The following CPPED1 variants were observed in gnomAD, a reference collection of about 807,000 sequenced individuals.
CPPED1 encodes calcineurin like phosphoesterase domain containing 1.
In CPPED1, 28 loss-of-function variants were observed where a neutral mutation model predicts 28.0. The observed-to-expected ratio is 1.00, with a 90% CI of 0.74 to 1.37. CPPED1 has a LOEUF of 1.37. Ranked by LOEUF, CPPED1 falls within the 40% of genes most tolerant of loss-of-function variation. CPPED1 has a pLI of 0.00. For synonymous variants in CPPED1, 198 were observed against 180.2 expected, an observed-to-expected ratio of 1.10 and a Z score of -0.79; for missense variants, 504 against 416.5, an observed-to-expected ratio of 1.21 and a Z score of -1.83.
rs151021093 is a variant in CPPED1, at chr16:12,769,260, C to A, written c.289+11925G>T. Among the ~76,000 whole-genome samples the A allele has an allele frequency of 6.4e-3, 972 of 152,114 alleles. 9 individuals are homozygous for A. The highest frequency in any genetic ancestry group is 0.022 in the African/African-American group (897 of 41,482). ...CCAACACATGAATTATTACTATATC[C>A]AATAATTTAAAAAATATTTTGATAA... On this transcript the variant is annotated intron_variant, in intron 2 of 3. Transcript: ENST00000381774.
intron 3 of CPPED1, among the ~76,000 whole-genome samples, chr16:12,673,942 G>A (rs917257743): frequency 9.9e-5 from 15 of 152,028 alleles, no homozygotes; most frequent in African/African-American, 2.4e-4. Context: ...CCAGCTACTC[G>A]GGAGGCTGAG....
intron 3 of CPPED1, among the ~76,000 whole-genome samples, chr16:12,675,992 T>C (rs1454566991): frequency 2.6e-5 from 4 of 152,122 alleles, no homozygotes. Context: ...GTTTCTTAAG[T>C]GGGTTTGGGA....
rs78116577 is a variant in CPPED1, at chr16:12,709,262, G to C, written c.290-4213C>G. On this transcript the variant is annotated intron_variant, in intron 2 of 3. Coordinates refer to ENST00000381774, the MANE Select transcript of CPPED1 (RefSeq NM_018340.3). This position sits in a 1 kb window ranked among gnomAD's most constrained non-coding sequence, Gnocchi z 4.4. Reference sequence around the variant, plus strand: ...ACAGGAAGAAAGGCAGGGAAACAAGGGGAAAGACTCTGAAAAATGGCAAGA... The same window carrying C: ...ACAGGAAGAAAGGCAGGGAAACAAGCGGAAAGACTCTGAAAAATGGCAAGA... Among the ~76,000 whole-genome samples, 4,203 of 152,192 alleles carry C rather than the reference G, an allele frequency of 0.028. 194 individuals carry two copies. The highest frequency in any genetic ancestry group is 0.097 in the African/African-American group (4,034 of 41,488).
At chr16:12,696,354 C>G (rs1596449622) in intron 3 of CPPED1, among the ~76,000 whole-genome samples, 1 of 152,048 alleles carries the variant, frequency 6.6e-6, no homozygotes, top group South Asian at 2.1e-4. Context: ...TGTGGGGTCC[C>G]CAAACGGTTC....
At position 12,664,875 on chromosome 16, in the gene CPPED1, G is replaced by A. The variant is rs367864945; in HGVS notation, c.*11C>T. 1.6e-5 allele frequency: 26 copies of A among 1,608,530 alleles called. No homozygotes were observed. The highest frequency in any genetic ancestry group is 2.2e-5 in the East Asian group (1 of 44,616). On this transcript the variant is annotated 3_prime_UTR_variant, in exon 4 of 4. Transcript: ENST00000381774. The surrounding 1 kb of genome is among the most constrained non-coding windows in gnomAD (Gnocchi z 4.2). ...GTGCAAGTGAAAAGTGAACGGGAACGGGAAGGAGCGTCATTTTTTCTTGAT... is the reference window on the plus strand; with the variant it reads ...GTGCAAGTGAAAAGTGAACGGGAACAGGAAGGAGCGTCATTTTTTCTTGAT...
intron 1 of CPPED1, among the ~76,000 whole-genome samples, chr16:12,790,379 T>C (rs1052069427): frequency 1.3e-5 from 2 of 152,222 alleles, no homozygotes; most frequent in African/African-American, 2.4e-5. Context: ...GAAATTTTAT[T>C]GATTTTTTCA....
chr16:12,690,934 G>A (rs2079959384), intron 3 of CPPED1, among the ~76,000 whole-genome samples: 1 of 152,234 alleles, frequency 6.6e-6, no homozygotes, highest in African/African-American at 2.4e-5. Flanking sequence ...TAGAGGAGCA[G>A]GTGAAGAATG....
intron 2 of CPPED1, among the ~76,000 whole-genome samples, chr16:12,721,679 G>A (rs927433404): frequency 6.6e-6 from 1 of 151,564 alleles, no homozygotes; most frequent in Non-Finnish European, 1.5e-5. Context: ...ACTTGAACCT[G>A]GGAGACGAAG....
At chr16:12,764,955 C>T (rs1596476817) in intron 2 of CPPED1, among the ~76,000 whole-genome samples, 1 of 152,236 alleles carries the variant, frequency 6.6e-6, no homozygotes, top group Admixed American at 6.5e-5. Flanking sequence ...CTGCCAGCCT[C>T]AAGGTCATGA....
intron 1 of CPPED1, among the ~76,000 whole-genome samples, chr16:12,797,376 C>G (rs376833056): frequency 2.6e-5 from 4 of 152,138 alleles, no homozygotes; most frequent in African/African-American, 7.2e-5. Flanking sequence ...CACAGCGAAA[C>G]TGTCTCTACA....
chr16:12,757,096 TGAGGGTGACCAACTAAGTTACAGCACCTC>T (rs2080374893), intron 2 of CPPED1, among the ~76,000 whole-genome samples: 2 of 151,936 alleles, frequency 1.3e-5, no homozygotes, highest in East Asian at 1.9e-4. Flanking sequence ...TACAGCACCT[TGAGGGTGACCAACTAAGTTACAGCACCTC>T]GAGGGTGACC....
At chr16:12,796,957 A>G (rs1336422151) in intron 1 of CPPED1, among the ~76,000 whole-genome samples, 7 of 152,216 alleles carry the variant, frequency 4.6e-5, no homozygotes, top group Admixed American at 4.6e-4. Context: ...AAGCTACAAA[A>G]TAAGTGAGCC....
chr16:12,762,243 T>C (rs899728725), intron 2 of CPPED1, among the ~76,000 whole-genome samples: 1 of 152,176 alleles, frequency 6.6e-6, no homozygotes, highest in African/African-American at 2.4e-5. Context: ...TTTTTACTTC[T>C]TTGTCGGGGG....
intron 2 of CPPED1, among the ~76,000 whole-genome samples, chr16:12,716,763 T>C: frequency 6.6e-6 from 1 of 152,226 alleles, no homozygotes; most frequent in East Asian, 1.9e-4. Context: ...ATTTATTCAA[T>C]GCACCCCTGC....
intron 2 of CPPED1, among the ~76,000 whole-genome samples, chr16:12,707,080 T>C (rs2080055481): frequency 6.6e-6 from 1 of 152,186 alleles, no homozygotes; most frequent in Admixed American, 6.5e-5. Context: ...CATGATCCTC[T>C]CTAAGACTCC....
chr16:12,772,900 C>T (rs1278141290), intron 2 of CPPED1, among the ~76,000 whole-genome samples: 2 of 152,170 alleles, frequency 1.3e-5, no homozygotes, highest in Admixed American at 6.5e-5. Flanking sequence ...AGCTGGGACT[C>T]GGGCAGTGCC....
intron 2 of CPPED1, among the ~76,000 whole-genome samples, chr16:12,710,157 G>T (rs1399098542): frequency 6.6e-6 from 1 of 152,164 alleles, no homozygotes; most frequent in Non-Finnish European, 1.5e-5. Context: ...ACTAATAAGA[G>T]AAATTAGCTT....
rs938138109 is a variant in CPPED1 at position 12,718,313 on chromosome 16, C to T, written c.290-13264G>A. On this transcript the variant is annotated intron_variant, in intron 2 of 3. Transcript: ENST00000381774. The stretch of plus-strand genomic sequence containing the variant: ...TAGCACTTTGGCAGGCCAAGGCGGG[C>T]GGATCATTTGAGGTCAGGAGTTCGA... 1.1e-4 allele frequency among the ~76,000 whole-genome samples: 17 copies of T among 152,152 alleles called. No individual in the cohort carries two copies. In the East Asian group the frequency reaches 1.5e-3, roughly 14 times the overall value.
chr16:12,734,058 GTTTTTTTTTTTTT>G (rs71142517), intron 2 of CPPED1, among the ~76,000 whole-genome samples: 9 of 64,424 alleles, frequency 1.4e-4, no homozygotes, highest in South Asian at 7.0e-4. Flanking sequence ...CAAATTACAC[GTTTTTTTTTTTTT>G]TTTTTTTTTT....
Sources: allele counts gnomAD v4.1 joint callset (sites outside exome capture counted in the v4.1 genomes callset), GRCh38; gene constraint gnomAD v4.1.1; non-coding constraint Gnocchi (gnomAD v3.1); transcripts MANE v1.5; gene names NCBI Gene and HGNC (gene_info 2026-07-23, HGNC 2026-07-21).